Variants in LPP observed in about 807,000 individuals in gnomAD.
LPP encodes the protein LIM domain containing preferred translocation partner in lipoma.
A neutral mutation model predicts 60.4 loss-of-function variants in LPP; 38 were observed. The observed-to-expected ratio is 0.63, with a 90% CI of 0.49 to 0.83. LPP has a LOEUF of 0.83. Ranked by LOEUF, LPP falls within the 40% of genes least tolerant of loss-of-function variation. The pLI, the probability that LPP is intolerant of heterozygous loss-of-function variation, is 0.00. For synonymous variants in LPP, 328 were observed against 290.8 expected (o/e 1.13, Z -1.30); for missense variants, 902 against 783.6 (o/e 1.15, Z -1.80).
At chr3:188,369,375 A>G (rs954080313) in intron 3 of LPP, among the ~76,000 whole-genome samples, 13 of 151,902 alleles carry the variant, frequency 8.6e-5, no homozygotes, top group South Asian at 4.2e-4. Flanking sequence ...AATGGAAGAT[A>G]TGGGTTCTAA....
At chr3:188,440,284 C>T (rs1041589453) in intron 4 of LPP, among the ~76,000 whole-genome samples, 2 of 152,022 alleles carry the variant, frequency 1.3e-5, no homozygotes, top group African/African-American at 4.8e-5. Context: ...TGTCCTCTTT[C>T]GTAAAAAAGA....
intron 2 of LPP, among the ~76,000 whole-genome samples, chr3:188,270,618 G>C (rs1339685874): frequency 1.3e-5 from 2 of 152,188 alleles, no homozygotes; most frequent in Non-Finnish European, 2.9e-5. Flanking sequence ...ACAGGAGCAG[G>C]AGTGGAGGGA....
At chr3:188,590,641 G>A (rs1368426944) in intron 6 of LPP, among the ~76,000 whole-genome samples, 3 of 152,146 alleles carry the variant, frequency 2.0e-5, no homozygotes, top group Non-Finnish European at 4.4e-5. Context: ...ACAGACCACA[G>A]TGCAAGCAAG....
chr3:188,397,004 A>G (rs1335980384), intron 3 of LPP, among the ~76,000 whole-genome samples: 1 of 152,224 alleles, frequency 6.6e-6, no homozygotes, highest in Non-Finnish European at 1.5e-5. Flanking sequence ...ATTGTTATCA[A>G]ATGTGACCTG....
At chr3:188,475,348 T>C (rs1235398001) in intron 4 of LPP, among the ~76,000 whole-genome samples, 1 of 152,236 alleles carries the variant, frequency 6.6e-6, no homozygotes, top group African/African-American at 2.4e-5. Flanking sequence ...TGAGTACATA[T>C]ACTGATGCAT....
intron 4 of LPP, among the ~76,000 whole-genome samples, chr3:188,459,148 T>C (rs1468707279): frequency 1.3e-5 from 2 of 152,162 alleles, no homozygotes; most frequent in Non-Finnish European, 2.9e-5. Context: ...GTGGAGCTAC[T>C]GAAATAGGCC....
At chr3:188,507,496 G>A (rs914502224) in intron 5 of LPP, among the ~76,000 whole-genome samples, 3 of 151,528 alleles carry the variant, frequency 2.0e-5, no homozygotes, top group Admixed American at 1.3e-4. Flanking sequence ...AGTGAAAATA[G>A]TTACTCAGTG....
chr3:188,772,819 G>C (rs1482883493), intron 9 of LPP, among the ~76,000 whole-genome samples: 1 of 151,970 alleles, frequency 6.6e-6, no homozygotes, highest in Non-Finnish European at 1.5e-5. Flanking sequence ...AGGGGGATTT[G>C]GGGGGAGCCT....
At chr3:188,641,530 A>G (rs1330878577) in intron 7 of LPP, among the ~76,000 whole-genome samples, 1 of 152,198 alleles carries the variant, frequency 6.6e-6, no homozygotes, top group Non-Finnish European at 1.5e-5. Context: ...GGCTCCTAAT[A>G]CCAAAGGAAA....
At chr3:188,614,621 G>C (rs1383510166) in intron 7 of LPP, among the ~76,000 whole-genome samples, 1 of 152,176 alleles carries the variant, frequency 6.6e-6, no homozygotes, top group Non-Finnish European at 1.5e-5. Context: ...CCAGTGATGA[G>C]AGCCACTCAC....
chr3:188,663,260 G>A (rs1855008229), intron 7 of LPP, among the ~76,000 whole-genome samples: 1 of 152,252 alleles, frequency 6.6e-6, no homozygotes, highest in East Asian at 1.9e-4. Flanking sequence ...AGGGCCTTGT[G>A]GTGTCTGGCA....
chr3:188,496,340 G>C (rs1810204921), intron 5 of LPP, among the ~76,000 whole-genome samples: 2 of 152,114 alleles, frequency 1.3e-5, no homozygotes, highest in South Asian at 2.1e-4. Context: ...TGTTGGCCAG[G>C]CTGGTCTCGA....
intron 1 of LPP, among the ~76,000 whole-genome samples, chr3:188,198,381 G>A: frequency 6.6e-6 from 1 of 152,188 alleles, no homozygotes; most frequent in Non-Finnish European, 1.5e-5. Flanking sequence ...GTGTATAAGG[G>A]CCTGGGCTTG....
chr3:188,793,776 A>C (rs993762962), intron 9 of LPP, among the ~76,000 whole-genome samples: 39 of 152,258 alleles, frequency 2.6e-4, no homozygotes, highest in Non-Finnish European at 4.4e-4. Flanking sequence ...CCAGTATTGT[A>C]GGTGGCAACC....
chr3:188,847,646 A>G (rs1050658363), intron 9 of LPP, among the ~76,000 whole-genome samples: 1 of 152,152 alleles, frequency 6.6e-6, no homozygotes, highest in Non-Finnish European at 1.5e-5. Flanking sequence ...TTATTGTCTA[A>G]CTCTCACAGT....
chr3:188,363,774 G>A (rs909271807), intron 3 of LPP, among the ~76,000 whole-genome samples: 8 of 151,816 alleles, frequency 5.3e-5, no homozygotes, highest in Non-Finnish European at 8.8e-5. Flanking sequence ...GCATGATGGC[G>A]GGCTCCTGTA....
At position 188,495,082 on chromosome 3, in the gene LPP, A is replaced by ATATATATATATATATATATATATATATAT. The variant is rs1342207321; in HGVS notation, c.306+10379_306+10380insATATATATATATATATATATATATATATT. ...CAGGATTTTATATATATATATATAT[A>ATATATATATATATATATATATATATATAT]TTTTATTTATATTTTATTATATATT... On this transcript the variant is annotated intron_variant, in intron 5 of 11. Transcript: ENST00000617246. 1.3e-3 allele frequency among the ~76,000 whole-genome samples: 130 copies of ATATATATATATATATATATATATATATAT among 97,178 alleles called. 4 individuals carry two copies. Among genetic ancestry groups the ATATATATATATATATATATATATATATAT allele is most frequent in the African/African-American group, 3.2e-3 (80 of 25,046 alleles). The allele number at this position is 97,178 out of a possible 152,430, so 63.8% of individuals were successfully genotyped here.
chr3:188,662,946 T>G (rs1263711455), intron 7 of LPP, among the ~76,000 whole-genome samples: 1 of 152,238 alleles, frequency 6.6e-6, no homozygotes, highest in Non-Finnish European at 1.5e-5. Flanking sequence ...GTGTCACATG[T>G]TACATTAATA....
rs112468971 is a variant in LPP at position 188,623,258 on chromosome 3, CTTTTTT to C, written c.1113+13426_1113+13431del. ...TAGCCTCAAAAAGTCTATGAAGATACTTTTTTTTTTTTTTTTTGAAAGAGAGCGTCA... is the reference window on the plus strand; with the variant it reads ...TAGCCTCAAAAAGTCTATGAAGATACTTTTTTTTTTTGAAAGAGAGCGTCA... On this transcript the variant is annotated intron_variant, in intron 7 of 11. Coordinates refer to ENST00000617246, the MANE Select transcript of LPP (RefSeq NM_001375462.1). 1.0e-4 allele frequency among the ~76,000 whole-genome samples: 14 copies of C among 135,974 alleles called. No individual in the cohort carries two copies. The East Asian group carries it at 1.7e-3, about 17-fold the overall frequency. 89.2% of individuals were successfully genotyped at this position (135,974 alleles called of 152,430 possible). A position where few individuals can be genotyped will look rare whatever the true frequency, so the allele number is the denominator to read the frequency against.
Sources: gnomAD v4.1 joint callset for allele counts (sites outside exome capture counted in the v4.1 genomes callset) on GRCh38, gnomAD v4.1.1 for gene constraint, MANE v1.5 for transcripts, NCBI Gene and HGNC (gene_info 2026-07-23, HGNC 2026-07-21) for gene names.